Variants in MECR observed in about 807,000 individuals in gnomAD.
The protein encoded by MECR is enoyl-[acyl-carrier-protein] reductase, mitochondrial.
A neutral mutation model predicts 49.1 loss-of-function variants in MECR; 37 were observed. The ratio of observed to expected loss-of-function variants is 0.75; its 90% confidence interval spans 0.58 to 0.99. MECR has a LOEUF of 0.99. Among genes scored for constraint, MECR ranks in the 50% least tolerant of loss-of-function variants. The pLI, the probability that MECR is intolerant of heterozygous loss-of-function variation, is 0.00. For synonymous variants in MECR, 198 were observed against 191.1 expected (o/e 1.04, Z -0.30); for missense variants, 470 against 479.6 (o/e 0.98, Z 0.19).
At chr1:29,185,988 G>GCA in the MECR span, among the ~76,000 whole-genome samples, 59 of 151,698 alleles carry the variant, frequency 3.9e-4, no homozygotes, top group African/African-American at 1.3e-3. Flanking sequence ...CCCATCACAT[G>GCA]CACACACACA....
chr1:29,230,687 C>T (rs1305251820), intron 1 of MECR, 44 bp downstream of exon 1: 1 of 1,546,424 alleles, frequency 6.5e-7, no homozygotes, highest in Non-Finnish European at 8.7e-7. Context: ...TAAAGCCTTC[C>T]AGAAACCCCA....
At chr1:29,176,754 A>G in the MECR span, among the ~76,000 whole-genome samples, 1 of 152,192 alleles carries the variant, frequency 6.6e-6, no homozygotes, top group Non-Finnish European at 1.5e-5. Context: ...ATTATGGTGC[A>G]TTAAACAAGG....
the MECR span, chr1:29,181,779 C>G: frequency 1.7e-5 from 26 of 1,546,090 alleles, no homozygotes; most frequent in Non-Finnish European, 2.2e-5. Context: ...ATGGCTGGCC[C>G]CGGCCCCAGC....
chr1:29,183,646 TTC>T, the MECR span, among the ~76,000 whole-genome samples: 1 of 152,310 alleles, frequency 6.6e-6, no homozygotes, highest in South Asian at 2.1e-4. Context: ...ATTTTCCTAT[TTC>T]TGTCTGTGTA....
chr1:29,216,703 CGGA>C lies in MECR; in HGVS notation c.177-21_177-19del, dbSNP rs1360165993. The stretch of plus-strand genomic sequence containing the variant: ...TCTTGAGTCTAAGCACAAAGCCAAA[CGGA>C]GATGTTCATGTCATCCAGGCTAGAA... On this transcript the variant is annotated intron_variant, in intron 1 of 9. Transcript: ENST00000263702. The C allele has an allele frequency of 6.2e-7, 1 of 1,614,010 alleles. No individual in the cohort carries two copies. The highest frequency in any genetic ancestry group is 8.5e-7 in the Non-Finnish European group (1 of 1,180,018).
chr1:29,196,028 A>G lies in MECR; in HGVS notation c.892-15T>C, dbSNP rs754552129. 1 of 1,614,130 alleles carries G rather than the reference A, an allele frequency of 6.2e-7. No homozygotes were observed. Among genetic ancestry groups the G allele is most frequent in the South Asian group, 1.1e-5 (1 of 91,088 alleles). On this transcript the variant is annotated splice_polypyrimidine_tract_variant and intron_variant, in intron 8 of 9. Coordinates refer to ENST00000263702, the MANE Select transcript of MECR (RefSeq NM_016011.5). ...ATGAGCAGGCTCTGCAGACACAGGA[A>G]GGACATGCTGGGCTCTGAGGGCAAG...
At chr1:29,174,032 T>C in the MECR span, among the ~76,000 whole-genome samples, 1 of 151,120 alleles carries the variant, frequency 6.6e-6, no homozygotes, top group East Asian at 2.0e-4. Flanking sequence ...CTACTAAAAA[T>C]ACAAAAATTA....
chr1:29,205,835 G>A (rs192862429), intron 4 of MECR, among the ~76,000 whole-genome samples: 4 of 152,106 alleles, frequency 2.6e-5, no homozygotes, highest in East Asian at 1.9e-4. Context: ...AAAAACAGCC[G>A]GAGCAGTAGT....
At chr1:29,200,481 C>G in intron 7 of MECR, 35 bp downstream of exon 7, 1 of 1,601,398 alleles carries the variant, frequency 6.2e-7, no homozygotes. Flanking sequence ...CTGGAGAGCT[C>G]TGGCGAGCTG....
chr1:29,228,231 A>AAATT (rs1682595692), intron 1 of MECR, among the ~76,000 whole-genome samples: 2 of 151,604 alleles, frequency 1.3e-5, no homozygotes, highest in African/African-American at 4.8e-5. Context: ...ATAAATAAAT[A>AAATT]AATATATATA....
rs117029510 is a variant in MECR at position 29,219,312 on chromosome 1, T to C, written c.177-2627A>G. ...TTTTCACAGATCATCAGAGTTTTTC[T>C]GTAAGCTGACAAAATTCATGTGCTC... On this transcript the variant is annotated intron_variant, in intron 1 of 9. Coordinates refer to ENST00000263702, the MANE Select transcript of MECR (RefSeq NM_016011.5). Among the ~76,000 whole-genome samples, 144 of 152,396 alleles carry C rather than the reference T, an allele frequency of 9.4e-4. 2 individuals are homozygous for C. The East Asian group carries it at 0.025, about 27-fold the overall frequency.
At chr1:29,170,492 T>C in the MECR span, 4 of 152,174 alleles carry the variant, frequency 2.6e-5, no homozygotes, top group Admixed American at 2.6e-4. Context: ...TCTTGGATCA[T>C]CTTGGCTGTA....
At chr1:29,185,001 C>T in the MECR span, among the ~76,000 whole-genome samples, 1 of 151,556 alleles carries the variant, frequency 6.6e-6, no homozygotes, top group African/African-American at 2.4e-5. Flanking sequence ...TGGCAGGCGC[C>T]TATAATCCCA....
intron 7 of MECR, among the ~76,000 whole-genome samples, chr1:29,197,033 T>C (rs1256263417): frequency 6.6e-6 from 1 of 152,028 alleles, no homozygotes; most frequent in East Asian, 1.9e-4. Context: ...AGAAACCAGA[T>C]TCCTAGGTCC....
the MECR span, among the ~76,000 whole-genome samples, chr1:29,177,280 T>C: frequency 2.9e-5 from 4 of 138,042 alleles, no homozygotes; most frequent in Non-Finnish European, 6.5e-5. Flanking sequence ...AGTAACTCTT[T>C]TTGTTTTTTT....
Position 29,199,763 on chromosome 1 carries a change from T to G in MECR, c.830+753A>C, listed in dbSNP as rs186370229. Among the ~76,000 whole-genome samples the G allele has an allele frequency of 1.4e-3, 211 of 151,948 alleles. 1 individual carries two copies. The highest frequency in any genetic ancestry group is 4.5e-3 in the African/African-American group (187 of 41,432). On this transcript the variant is annotated intron_variant, in intron 7 of 9. Transcript: ENST00000263702. The stretch of plus-strand genomic sequence containing the variant: ...CCTCCCAAGTAGCTGGGATTACAGG[T>G]GCCTGCCACCACACCTGGCTAGTCT...
the MECR span, chr1:29,170,636 G>T: frequency 6.6e-6 from 1 of 152,082 alleles, no homozygotes. Flanking sequence ...GTATTTTAAT[G>T]AATTTTTCAA....
At chr1:29,175,390 GACT>G in the MECR span, among the ~76,000 whole-genome samples, 1 of 149,688 alleles carries the variant, frequency 6.7e-6, no homozygotes. Context: ...AACAGACAGA[GACT>G]CCATCTCAAA....
chr1:29,222,252 C>A (rs919129123), intron 1 of MECR, among the ~76,000 whole-genome samples: 1 of 152,060 alleles, frequency 6.6e-6, no homozygotes, highest in African/African-American at 2.4e-5. Flanking sequence ...TGCCACCACG[C>A]CTGGCTAATT....
Sources: allele counts gnomAD v4.1 joint callset (sites outside exome capture counted in the v4.1 genomes callset), GRCh38; gene constraint gnomAD v4.1.1; transcripts MANE v1.5; gene names NCBI Gene and HGNC (gene_info 2026-07-23, HGNC 2026-07-21).